The following PARD3 variants were observed in gnomAD, a reference collection of about 807,000 sequenced individuals.
PARD3 encodes par-3 family cell polarity regulator.
Under a neutral mutation model 155.4 loss-of-function variants are expected in PARD3, and 75 were observed. The observed-to-expected ratio is 0.48, with a 90% CI of 0.40 to 0.58. The LOEUF is 0.58. PARD3 is among the 20% of genes least tolerant of loss of function. The pLI is 0.00. For missense variants in PARD3, 1,642 were observed against 1,721.7 expected, an observed-to-expected ratio of 0.95 and a Z score of 0.82; for synonymous variants, 576 against 610.5, an observed-to-expected ratio of 0.94 and a Z score of 0.83.
chr10:34,231,438 C>T (rs2133572309), intron 22 of PARD3, among the ~76,000 whole-genome samples: 1 of 151,964 alleles, frequency 6.6e-6, no homozygotes, highest in Middle Eastern at 3.4e-3. Flanking sequence ...TGGCATATTC[C>T]AAACCTCGAC....
chr10:34,223,138 C>T (rs1952399426), intron 22 of PARD3, among the ~76,000 whole-genome samples: 1 of 152,094 alleles, frequency 6.6e-6, no homozygotes, highest in Non-Finnish European at 1.5e-5. Flanking sequence ...GCAGGAAACA[C>T]ACGGGGCCTG....
At chr10:34,406,661 G>C (rs1179134635) in intron 5 of PARD3, among the ~76,000 whole-genome samples, 1 of 152,010 alleles carries the variant, frequency 6.6e-6, no homozygotes, top group Non-Finnish European at 1.5e-5. Context: ...CCAAATAGCT[G>C]CAACTACAAG....
intron 2 of PARD3, among the ~76,000 whole-genome samples, chr10:34,597,318 G>T (rs1236502381): frequency 6.6e-6 from 1 of 151,256 alleles, no homozygotes; most frequent in Non-Finnish European, 1.5e-5. Flanking sequence ...ATATAATATT[G>T]ATATACTGCT....
At chr10:34,808,456 T>C (rs1362841495) in intron 1 of PARD3, among the ~76,000 whole-genome samples, 5 of 152,124 alleles carry the variant, frequency 3.3e-5, no homozygotes, top group Non-Finnish European at 7.4e-5. Context: ...CCAAAACAGG[T>C]AAAACTGTAT....
chr10:34,261,285 C>CA (rs1374381912), intron 22 of PARD3, among the ~76,000 whole-genome samples: 2 of 145,974 alleles, frequency 1.4e-5, no homozygotes, highest in Non-Finnish European at 2.9e-5. Flanking sequence ...ATAAAAAAAA[C>CA]ATTATTGACC....
rs538926344 is a variant in PARD3, at chr10:34,537,324, G to C, written c.223-20165C>G. ...TTCTAACTTTTTGATTCCTTCTCTT[G>C]AAGACCTAGTCAATTCTGAATTGAG... On this transcript the variant is annotated intron_variant, in intron 2 of 24. Transcript: ENST00000374788. Among the ~76,000 whole-genome samples, 4 of 152,136 alleles carry C rather than the reference G, an allele frequency of 2.6e-5. No homozygotes were observed. The South Asian group carries it at 8.3e-4, about 32-fold the overall frequency.
At chr10:34,358,133 T>G (rs1839082002) in intron 14 of PARD3, among the ~76,000 whole-genome samples, 1 of 152,220 alleles carries the variant, frequency 6.6e-6, no homozygotes. Flanking sequence ...CAGCTCATTT[T>G]GCACATGGGC....
At chr10:34,478,408 T>C (rs2078852816) in intron 3 of PARD3, among the ~76,000 whole-genome samples, 1 of 152,212 alleles carries the variant, frequency 6.6e-6, no homozygotes, top group African/African-American at 2.4e-5. Flanking sequence ...ACAAGATGCC[T>C]ATATGTTGCA....
At chr10:34,451,696 T>C (rs1344601381) in intron 4 of PARD3, among the ~76,000 whole-genome samples, 1 of 151,518 alleles carries the variant, frequency 6.6e-6, no homozygotes, top group African/African-American at 2.4e-5. Context: ...GACATGAAAC[T>C]TCATAAACTT....
At chr10:34,344,762 T>A (rs1837225873) in intron 15 of PARD3, 2 of 985,408 alleles carry the variant, frequency 2.0e-6, no homozygotes, top group Admixed American at 6.1e-5. Context: ...GACAGAGAAA[T>A]CTTGCCTTTG....
At position 34,499,226 on chromosome 10, in the gene PARD3, A is replaced by G. The variant is rs549696737; in HGVS notation, c.403+17753T>C. 2.0e-5 allele frequency among the ~76,000 whole-genome samples: 3 copies of G among 152,328 alleles called. No individual in the cohort carries two copies. The East Asian group carries it at 5.8e-4, about 29-fold the overall frequency. On this transcript the variant is annotated intron_variant, in intron 3 of 24. Transcript: ENST00000374788. ...TCTTAAGCAATAAAGCTTTGTTCTT[A>G]GATTTTAACAAAATGCAGCAGTCTA...
intron 9 of PARD3, among the ~76,000 whole-genome samples, chr10:34,379,318 C>A (rs1267865788): frequency 6.6e-6 from 1 of 152,000 alleles, no homozygotes; most frequent in African/African-American, 2.4e-5. Context: ...GTAGCAAAAC[C>A]TACCATAGTT....
chr10:34,523,520 C>T (rs2082283732), intron 2 of PARD3, among the ~76,000 whole-genome samples: 3 of 152,172 alleles, frequency 2.0e-5, no homozygotes. Flanking sequence ...CTTGAAGATG[C>T]CTCCATGACC....
intron 14 of PARD3, among the ~76,000 whole-genome samples, chr10:34,355,599 A>G (rs1838710363): frequency 6.6e-6 from 1 of 152,048 alleles, no homozygotes; most frequent in African/African-American, 2.4e-5. Flanking sequence ...GCAGCAAGGG[A>G]GTGGAGATCA....
At chr10:34,500,078 A>G (rs994138548) in intron 3 of PARD3, among the ~76,000 whole-genome samples, 12 of 152,256 alleles carry the variant, frequency 7.9e-5, no homozygotes, top group African/African-American at 2.9e-4. Flanking sequence ...TGGATGTAGA[A>G]CACACAGGCA....
chr10:34,669,457 G>A (rs1348332094), intron 2 of PARD3, among the ~76,000 whole-genome samples: 1 of 152,138 alleles, frequency 6.6e-6, no homozygotes, highest in East Asian at 1.9e-4. Flanking sequence ...TCAGGAGGAT[G>A]GGAGGGGGTG....
intron 2 of PARD3, among the ~76,000 whole-genome samples, chr10:34,687,157 A>C (rs1243972245): frequency 6.6e-6 from 1 of 152,220 alleles, no homozygotes; most frequent in Non-Finnish European, 1.5e-5. Flanking sequence ...GTATTTCAAA[A>C]GCAAAAATTA....
chr10:34,695,429 G>C (rs190372329), intron 2 of PARD3, among the ~76,000 whole-genome samples: 1,649 of 139,434 alleles, frequency 0.012, 13 homozygotes, highest in Non-Finnish European at 0.016. Context: ...GAGCAGCCGA[G>C]ATCACGCCAC....
At position 34,632,419 on chromosome 10, in the gene PARD3, G is replaced by A. The variant is rs540996150; in HGVS notation, c.222+63899C>T. On this transcript the variant is annotated intron_variant, in intron 2 of 24. Transcript: ENST00000374788. ...CACACGCCATTAGCCAGGGGACAGT[G>A]GGGCATCACTTTTCTCCTAAGCAAA... Among the ~76,000 whole-genome samples, 144 of 152,302 alleles carry A rather than the reference G, an allele frequency of 9.5e-4. 1 individual carries two copies. The highest frequency in any genetic ancestry group is 3.4e-3 in the African/African-American group (140 of 41,560).
Sources: gnomAD v4.1 joint callset for allele counts (sites outside exome capture counted in the v4.1 genomes callset) on GRCh38, gnomAD v4.1.1 for gene constraint, MANE v1.5 for transcripts, NCBI Gene and HGNC (gene_info 2026-07-23, HGNC 2026-07-21) for gene names.